The following IFT57 variants were observed in gnomAD, a reference collection of about 807,000 sequenced individuals.
IFT57 encodes the protein intraflagellar transport 57, also known as intraflagellar transport protein 57 homolog.
IFT57 carries 59 observed loss-of-function variants against 56.8 expected under a neutral mutation model. The ratio of observed to expected loss-of-function variants is 1.04; its 90% CI spans 0.84 to 1.29. The LOEUF (loss-of-function observed/expected upper bound fraction) is 1.29, where lower values mean the gene tolerates loss of function less well. Among genes scored for constraint, IFT57 ranks in the 50% most tolerant of loss-of-function variants. The pLI is 0.00. For missense variants in IFT57, 470 were observed against 522.1 expected (o/e 0.90, Z 0.97); for synonymous variants, 209 against 186.1 (o/e 1.12, Z -1.00).
intron 6 of IFT57, among the ~76,000 whole-genome samples, chr3:108,187,652 A>C (rs2080191989): frequency 6.6e-6 from 1 of 152,016 alleles, no homozygotes; most frequent in Non-Finnish European, 1.5e-5. Context: ...TTAAAAAAAA[A>C]AAGTGTGAGA....
Position 108,165,437 on chromosome 3 carries a change from G to C in IFT57, c.1038C>G (p.Leu346=). The change falls in exon 9 of 11, where the codon CTC becomes CTG. Residue 346 remains leucine, a synonymous_variant. Coordinates refer to ENST00000264538, the MANE Select transcript of IFT57 (RefSeq NM_018010.4). ...CAAGAGCATCAGTGTGTACCTCAGA[G>C]AGGAGTCTGGTTCTTTCCGTCACTC... is the stretch of plus-strand genomic sequence containing the variant. The part of the protein sequence containing the change: ...NGGVTERTRL[L]SEVMEELEKV... 1 of 1,612,258 alleles carries C rather than the reference G, an allele frequency of 6.2e-7. No individual in the cohort carries two copies. Among genetic ancestry groups the C allele is most frequent in the Non-Finnish European group, 8.5e-7 (1 of 1,178,684 alleles).
intron 5 of IFT57, among the ~76,000 whole-genome samples, chr3:108,206,326 T>C (rs2080314042): frequency 6.6e-6 from 1 of 151,648 alleles, no homozygotes; most frequent in South Asian, 2.1e-4. Context: ...GAAAATAACT[T>C]GAAATAGAAT....
intron 6 of IFT57, among the ~76,000 whole-genome samples, chr3:108,177,661 C>T (rs1373584755): frequency 6.6e-6 from 1 of 151,650 alleles, no homozygotes; most frequent in East Asian, 1.9e-4. Context: ...ATTTAATGTC[C>T]TTTCATGACA....
chr3:108,189,527 G>A (rs2080203526), intron 6 of IFT57, among the ~76,000 whole-genome samples: 1 of 152,100 alleles, frequency 6.6e-6, no homozygotes, highest in South Asian at 2.1e-4. Flanking sequence ...AGCTTATCTA[G>A]AACCTCATTC....
intron 4 of IFT57, among the ~76,000 whole-genome samples, chr3:108,209,916 A>ATGTGTG (rs35248776): frequency 0.043 from 6,498 of 149,904 alleles, 200 homozygotes; most frequent in Non-Finnish European, 0.063. Flanking sequence ...CTTTTTCTAT[A>ATGTGTG]TGTGTGTGTG....
intron 7 of IFT57, chr3:108,167,249 A>C (rs1301880841): frequency 2.9e-6 from 1 of 342,184 alleles, no homozygotes; most frequent in East Asian, 6.2e-5. Flanking sequence ...ATGTGACTAT[A>C]ATTAGCATTA....
chr3:108,191,750 T>G, intron 5 of IFT57, 107 bp from the exon 6 acceptor site: 2 of 581,132 alleles, frequency 3.4e-6, no homozygotes, highest in Non-Finnish European at 5.4e-6. Flanking sequence ...TTGGTAGTGT[T>G]AAAATTATAG....
chr3:108,207,339 T>C (rs2080319140), intron 4 of IFT57, among the ~76,000 whole-genome samples: 1 of 152,110 alleles, frequency 6.6e-6, no homozygotes, highest in South Asian at 2.1e-4. Context: ...GAGAGCCAAC[T>C]CCCTCCCCAA....
chr3:108,163,012 A>T (rs2080042155), intron 10 of IFT57, among the ~76,000 whole-genome samples: 1 of 152,116 alleles, frequency 6.6e-6, no homozygotes, highest in African/African-American at 2.4e-5. Flanking sequence ...ATTATCTTTG[A>T]GATGTAGATA....
chr3:108,198,394 A>G lies in IFT57; in HGVS notation c.655-6751T>C, dbSNP rs190108656. Among the ~76,000 whole-genome samples the G allele has an allele frequency of 3.9e-5, 6 of 152,250 alleles. No individual in the cohort carries two copies. In the East Asian group the frequency reaches 1.2e-3, roughly 29 times the overall value. ...GTCATGCTTAATTATGCCTACTTCA[A>G]ACTATAACACTTGTCACTCCTCATG... On this transcript the variant is annotated intron_variant, in intron 5 of 10. Transcript: ENST00000264538.
At chr3:108,173,254 AAC>A (rs139618382) in intron 6 of IFT57, among the ~76,000 whole-genome samples, 19 of 151,502 alleles carry the variant, frequency 1.3e-4, no homozygotes, top group Admixed American at 1.1e-3. Flanking sequence ...AACATATGCA[AAC>A]ACACACACAC....
At chr3:108,199,642 T>C (rs897848555) in intron 5 of IFT57, among the ~76,000 whole-genome samples, 17 of 152,228 alleles carry the variant, frequency 1.1e-4, no homozygotes, top group Non-Finnish European at 1.3e-4. Context: ...TCACTGTATT[T>C]ATTAATATTT....
chr3:108,166,196 C>G (rs906537366), intron 8 of IFT57, among the ~76,000 whole-genome samples: 1 of 151,930 alleles, frequency 6.6e-6, no homozygotes, highest in Non-Finnish European at 1.5e-5. Flanking sequence ...AAAAAATATG[C>G]CTTCAACTGA....
At chr3:108,215,229 T>C (rs1490835094) in intron 3 of IFT57, among the ~76,000 whole-genome samples, 2 of 152,196 alleles carry the variant, frequency 1.3e-5, no homozygotes, top group Non-Finnish European at 2.9e-5. Flanking sequence ...TTTCCTTTTT[T>C]TAATCCAGTA....
At chr3:108,165,100 T>G (rs921488627) in intron 9 of IFT57, among the ~76,000 whole-genome samples, 3 of 152,030 alleles carry the variant, frequency 2.0e-5, no homozygotes, top group Non-Finnish European at 4.4e-5. Flanking sequence ...ACGTTAAAAT[T>G]TGTTATAGAT....
At chr3:108,195,359 T>G (rs201609506) in intron 5 of IFT57, among the ~76,000 whole-genome samples, 1 of 126,158 alleles carries the variant, frequency 7.9e-6, no homozygotes, top group Admixed American at 9.6e-5. Context: ...AGGGGAACAC[T>G]TGTATAGTGT....
At chr3:108,205,996 ATGT>A (rs1325923863) in intron 5 of IFT57, among the ~76,000 whole-genome samples, 64 of 118,426 alleles carry the variant, frequency 5.4e-4, no homozygotes, top group East Asian at 2.4e-3. Flanking sequence ...TAATATATTT[ATGT>A]TATATATTAC....
chr3:108,193,416 T>TC (rs1228337398), intron 5 of IFT57, among the ~76,000 whole-genome samples: 1 of 152,202 alleles, frequency 6.6e-6, no homozygotes, highest in African/African-American at 2.4e-5. Context: ...ATTTCTAACT[T>TC]CACCATTTGA....
chr3:108,175,247 AT>A (rs2080118015), intron 6 of IFT57, among the ~76,000 whole-genome samples: 1 of 151,730 alleles, frequency 6.6e-6, no homozygotes. Flanking sequence ...ATTTCACTCA[AT>A]TTTGCATATT....
Sources: gnomAD v4.1 joint callset for allele counts (sites outside exome capture counted in the v4.1 genomes callset) on GRCh38, gnomAD v4.1.1 for gene constraint, MANE v1.5 for transcripts, NCBI Gene and HGNC (gene_info 2026-07-23, HGNC 2026-07-21) for gene names.